Variants in GLRX3 observed in about 807,000 individuals in gnomAD.
GLRX3 encodes glutaredoxin 3, also known as glutaredoxin-3.
GLRX3 carries 22 observed loss-of-function variants against 49.5 expected under a neutral mutation model. The observed-to-expected ratio is 0.44, with a 90% confidence interval of 0.32 to 0.63. GLRX3 has a LOEUF of 0.63. Among genes scored for constraint, GLRX3 ranks in the 30% least tolerant of loss-of-function variants. The pLI, the probability that GLRX3 is intolerant of heterozygous loss-of-function variation, is 0.05. For synonymous variants in GLRX3, 133 were observed against 140.0 expected, an observed-to-expected ratio of 0.95 and a Z score of 0.35; for missense variants, 385 against 396.3, an observed-to-expected ratio of 0.97 and a Z score of 0.24.
chr10:130,159,972 G>C (rs766525520), intron 2 of GLRX3, 23 bp from the exon 3 acceptor site: 9 of 1,470,290 alleles, frequency 6.1e-6, no homozygotes, highest in East Asian at 2.3e-5. Context: ...TAATAATCAA[G>C]CTTGAATTCT....
chr10:130,168,453 AT>A (rs1335981443), intron 6 of GLRX3, among the ~76,000 whole-genome samples: 1 of 151,384 alleles, frequency 6.6e-6, no homozygotes, highest in South Asian at 2.1e-4. Context: ...ATTTATTATT[AT>A]TTTTTTTTGA....
At chr10:130,142,957 G>A (rs1484133555) in intron 1 of GLRX3, among the ~76,000 whole-genome samples, 1 of 152,224 alleles carries the variant, frequency 6.6e-6, no homozygotes, top group African/African-American at 2.4e-5. Context: ...TTTGCGGTGT[G>A]GTGCTGGCAC....
chr10:130,146,760 C>T lies in GLRX3; in HGVS notation c.201+1441C>T, dbSNP rs1862277446. On this transcript the variant is annotated intron_variant, in intron 2 of 10. Transcript: ENST00000331244. The stretch of plus-strand genomic sequence containing the variant: ...CAGAGTACATGTTACCCAATATACT[C>T]ATATATGGGATTAAAAATAACATCA... Among the ~76,000 whole-genome samples, 3 of 152,284 alleles carry T rather than the reference C, an allele frequency of 2.0e-5. No homozygotes were observed. In the South Asian group the frequency reaches 6.2e-4, roughly 32 times the overall value.
At chr10:130,168,973 T>G (rs962448320) in intron 6 of GLRX3, among the ~76,000 whole-genome samples, 2 of 152,206 alleles carry the variant, frequency 1.3e-5, no homozygotes, top group Non-Finnish European at 2.9e-5. Flanking sequence ...TTGATTTTAG[T>G]ATCTGGCATT....
chr10:130,165,543 C>G lies in GLRX3; in HGVS notation c.479-964C>G, dbSNP rs570793433. Among the ~76,000 whole-genome samples the G allele has an allele frequency of 2.0e-5, 3 of 152,172 alleles. No individual in the cohort carries two copies. In the East Asian group the frequency reaches 5.8e-4, roughly 29 times the overall value. ...TAAATAGTTTTAAAAAAGAAACTGT[C>G]AAGTTATGACATGAGATGAGAAAGA... On this transcript the variant is annotated intron_variant, in intron 4 of 10. Coordinates refer to ENST00000331244, the MANE Select transcript of GLRX3 (RefSeq NM_006541.5).
intron 7 of GLRX3, among the ~76,000 whole-genome samples, chr10:130,170,995 G>A (rs184029202): frequency 6.6e-6 from 1 of 152,146 alleles, no homozygotes; most frequent in Non-Finnish European, 1.5e-5. Context: ...GGGCGTGGTG[G>A]CGCATGCCTA....
At chr10:130,151,667 C>T (rs1156525801) in intron 2 of GLRX3, among the ~76,000 whole-genome samples, 1 of 152,116 alleles carries the variant, frequency 6.6e-6, no homozygotes, top group African/African-American at 2.4e-5. Flanking sequence ...TGCTGGTTTC[C>T]AGCTTCATCC....
intron 2 of GLRX3, among the ~76,000 whole-genome samples, chr10:130,153,970 T>A (rs1349603299): frequency 6.6e-6 from 1 of 152,192 alleles, no homozygotes; most frequent in South Asian, 2.1e-4. Context: ...TCCCTGCCAC[T>A]TTGTTTACAC....
At chr10:130,162,004 T>G (rs1862584388) in intron 4 of GLRX3, among the ~76,000 whole-genome samples, 1 of 152,232 alleles carries the variant, frequency 6.6e-6, no homozygotes, top group Non-Finnish European at 1.5e-5. Flanking sequence ...GAGATGGAAT[T>G]TCGCTCTTGT....
chr10:130,179,305 G>A, intron 10 of GLRX3, 37 bp from the exon 11 acceptor site: 1 of 917,022 alleles, frequency 1.1e-6, no homozygotes. Context: ...TTTTATATAT[G>A]CATATACATA....
chr10:130,169,635 G>T, intron 7 of GLRX3, 145 bp downstream of exon 7: 1 of 621,402 alleles, frequency 1.6e-6, no homozygotes, highest in Non-Finnish European at 2.9e-6. Flanking sequence ...TGGTGCTTAC[G>T]GAGATCAAAC....
At chr10:130,169,158 GTTA>G (rs1023442052) in intron 6 of GLRX3, among the ~76,000 whole-genome samples, 6 of 152,074 alleles carry the variant, frequency 3.9e-5, no homozygotes, top group African/African-American at 7.2e-5. Context: ...TACTGAATTG[GTTA>G]TTATTATTAT....
chr10:130,161,356 C>T (rs1204138075), intron 4 of GLRX3, among the ~76,000 whole-genome samples: 2 of 152,148 alleles, frequency 1.3e-5, no homozygotes, highest in African/African-American at 4.8e-5. Context: ...GCCTGTTTAT[C>T]TACTTTTGCT....
rs201251928 is a variant in GLRX3 at position 130,171,568 on chromosome 10, AT to A, written c.772-8del. ...CATACAAAAATTGTAATCTTTGCAAATTTTTTTTCATTTAGGAAGCAAAATG... is the reference window on the plus strand; with the variant it reads ...CATACAAAAATTGTAATCTTTGCAAATTTTTTTCATTTAGGAAGCAAAATG... On this transcript the variant is annotated splice_polypyrimidine_tract_variant and intron_variant, in intron 7 of 10. Coordinates refer to ENST00000331244, the MANE Select transcript of GLRX3 (RefSeq NM_006541.5). The A allele has an allele frequency of 8.2e-5, 118 of 1,444,716 alleles. No homozygotes were observed. The highest frequency in any genetic ancestry group is 1.1e-4 in the Non-Finnish European group (109 of 1,025,632). 89.5% of individuals were successfully genotyped at this position (1,444,716 alleles called of 1,614,324 possible).
intron 2 of GLRX3, chr10:130,159,680 A>G (rs1362929469): frequency 2.9e-6 from 1 of 340,218 alleles, no homozygotes; most frequent in Non-Finnish European, 4.7e-6. Context: ...GGATTTCAAT[A>G]TAGTAGTAGC....
intron 10 of GLRX3, among the ~76,000 whole-genome samples, chr10:130,175,660 T>G (rs1862903142): frequency 6.6e-6 from 1 of 152,250 alleles, no homozygotes; most frequent in African/African-American, 2.4e-5. Context: ...AGTAAATGGT[T>G]GTTGGATGGA....
chr10:130,157,856 A>G (rs962776416), intron 2 of GLRX3, among the ~76,000 whole-genome samples: 1 of 152,098 alleles, frequency 6.6e-6, no homozygotes, highest in Non-Finnish European at 1.5e-5. Flanking sequence ...CTGAATGCAG[A>G]TCCTTTAAAA....
chr10:130,166,398 G>T, intron 4 of GLRX3, 109 bp from the exon 5 acceptor site: 1 of 694,246 alleles, frequency 1.4e-6, no homozygotes, highest in Non-Finnish European at 2.4e-6. Context: ...GCAAAATAAG[G>T]CAGGCGTCTA....
intron 1 of GLRX3, among the ~76,000 whole-genome samples, chr10:130,142,784 CAATCTTCCAGTACCGCCTAGGACCCCTT>C (rs370907757): frequency 0.1 from 15,129 of 152,020 alleles, 780 homozygotes; most frequent in African/African-American, 0.11. Flanking sequence ...TGTGACCCTT[CAATCTTCCAGTACCGCCTAGGACCCCTT>C]AATCTTCCAG....
Sources: gnomAD v4.1 joint callset for allele counts (sites outside exome capture counted in the v4.1 genomes callset) on GRCh38, gnomAD v4.1.1 for gene constraint, MANE v1.5 for transcripts, NCBI Gene and HGNC (gene_info 2026-07-23, HGNC 2026-07-21) for gene names.